The following TCF7L2 variants were observed in gnomAD, a reference collection of about 807,000 sequenced individuals.
The protein encoded by TCF7L2 is transcription factor 7-like 2.
A neutral mutation model predicts 77.9 loss-of-function variants in TCF7L2; 23 were observed. That is an observed-to-expected ratio of 0.30 (90% CI 0.21 to 0.42). The LOEUF (loss-of-function observed/expected upper bound fraction) is 0.42. Among genes scored for constraint, TCF7L2 ranks in the 10% least tolerant of loss-of-function variants. The pLI is 1.00. For missense variants in TCF7L2, 654 were observed against 793.1 expected (o/e 0.82, Z 2.11); for synonymous variants, 413 against 340.2 (o/e 1.21, Z -2.36).
chr10:113,007,290 TC>T (rs1229302765), intron 4 of TCF7L2, among the ~76,000 whole-genome samples: 2 of 152,196 alleles, frequency 1.3e-5, no homozygotes, highest in African/African-American at 4.8e-5. Context: ...CCCTGAGGCC[TC>T]CGTCACGGGC....
At chr10:113,050,689 A>G (rs1400844791) in intron 5 of TCF7L2, among the ~76,000 whole-genome samples, 1 of 152,148 alleles carries the variant, frequency 6.6e-6, no homozygotes, top group Non-Finnish European at 1.5e-5. Context: ...CTCATAAATG[A>G]AGGAATGTCT....
At chr10:112,965,625 G>GTA (rs1194593095) in intron 4 of TCF7L2, among the ~76,000 whole-genome samples, 102 of 93,762 alleles carry the variant, frequency 1.1e-3, no homozygotes, top group African/African-American at 3.4e-3. Flanking sequence ...CTGTGTGTGT[G>GTA]TATATGTGTG....
intron 4 of TCF7L2, among the ~76,000 whole-genome samples, chr10:113,023,013 AGGTCCAATTAGTGGAGT>A (rs1176221654): frequency 2.0e-5 from 3 of 152,228 alleles, no homozygotes; most frequent in Non-Finnish European, 4.4e-5. Context: ...TCAGAATAGT[AGGTCCAATTAGTGGAGT>A]GGGGGCTCAG....
chr10:113,038,222 C>G (rs1297474485), intron 4 of TCF7L2, among the ~76,000 whole-genome samples: 1 of 152,062 alleles, frequency 6.6e-6, no homozygotes, highest in African/African-American at 2.4e-5. Context: ...AATACCCTGT[C>G]GCAGATAGGA....
At position 113,166,987 on chromosome 10, in the gene TCF7L2, A is replaced by G. The variant is rs2074068377; in HGVS notation, c.*1015A>G. ...CACTGTCTGAGCAGCAGTGGGAACCATCTTCGTTTCCCCTTTGAACTCCCA... is the reference window on the plus strand; with the variant it reads ...CACTGTCTGAGCAGCAGTGGGAACCGTCTTCGTTTCCCCTTTGAACTCCCA... On this transcript the variant is annotated 3_prime_UTR_variant, in exon 14 of 14. Coordinates refer to ENST00000627217, the MANE Select transcript of TCF7L2 (RefSeq NM_001146274.2). 8.6e-6 allele frequency: 2 copies of G among 231,394 alleles called. No individual in the cohort carries two copies. Among genetic ancestry groups the G allele is most frequent in the Non-Finnish European group, 8.5e-6 (1 of 116,968 alleles). The allele number at this position is 231,394 out of a possible 1,614,324, so 14.3% of individuals were successfully genotyped here.
chr10:113,044,093 A>T (rs1021912530), intron 5 of TCF7L2, among the ~76,000 whole-genome samples: 1 of 152,128 alleles, frequency 6.6e-6, no homozygotes, highest in East Asian at 1.9e-4. Flanking sequence ...GATTTTTTGT[A>T]CTTCTTGGTC....
chr10:112,990,103 A>G (rs2042256815), intron 4 of TCF7L2, among the ~76,000 whole-genome samples: 1 of 152,036 alleles, frequency 6.6e-6, no homozygotes, highest in African/African-American at 2.4e-5. Flanking sequence ...ATATAAAGAC[A>G]ATTGCCTGCC....
At chr10:113,147,743 T>C (rs1362918758) in intron 8 of TCF7L2, among the ~76,000 whole-genome samples, 1 of 152,118 alleles carries the variant, frequency 6.6e-6, no homozygotes, top group Non-Finnish European at 1.5e-5. Context: ...TCATGTTTGT[T>C]TATTTGGTGC....
intron 5 of TCF7L2, among the ~76,000 whole-genome samples, chr10:113,113,598 T>A (rs115475307): frequency 2.1e-3 from 325 of 152,314 alleles, no homozygotes; most frequent in African/African-American, 7.3e-3. Flanking sequence ...TTTGTGACCC[T>A]TTGTCCTTGT....
At chr10:113,013,993 T>TG (rs1182415479) in intron 4 of TCF7L2, among the ~76,000 whole-genome samples, 1 of 152,180 alleles carries the variant, frequency 6.6e-6, no homozygotes, top group Non-Finnish European at 1.5e-5. Flanking sequence ...ATTTTTATGT[T>TG]GGGGGGTATT....
At chr10:113,139,915 C>T (rs1373794307) in intron 5 of TCF7L2, among the ~76,000 whole-genome samples, 1 of 151,986 alleles carries the variant, frequency 6.6e-6, no homozygotes, top group Non-Finnish European at 1.5e-5. Flanking sequence ...CTAGGACCTT[C>T]CTTCTTTTCT....
chr10:113,143,826 G>A, intron 6 of TCF7L2, 97 bp from the exon 7 acceptor site: 2 of 815,050 alleles, frequency 2.5e-6, no homozygotes, highest in South Asian at 1.8e-5. Context: ...TTCCAGAAGA[G>A]ATGCGTCTCT....
chr10:113,059,872 G>T (rs1285844517), intron 5 of TCF7L2, among the ~76,000 whole-genome samples: 1 of 152,160 alleles, frequency 6.6e-6, no homozygotes, highest in Non-Finnish European at 1.5e-5. Context: ...TTAATTATCT[G>T]CCATTCACTT....
At chr10:113,144,334 G>T (rs1190074400) in intron 7 of TCF7L2, among the ~76,000 whole-genome samples, 1 of 152,150 alleles carries the variant, frequency 6.6e-6, no homozygotes, top group Non-Finnish European at 1.5e-5. Flanking sequence ...TTTGGGAATT[G>T]CAGAAGACTA....
chr10:112,958,028 A>G (rs1279498820), intron 3 of TCF7L2, among the ~76,000 whole-genome samples: 1 of 152,180 alleles, frequency 6.6e-6, no homozygotes, highest in Non-Finnish European at 1.5e-5. Context: ...AATCAATGGC[A>G]TGCAGAAACT....
chr10:112,950,264 C>T lies in TCF7L2; in HGVS notation c.-493C>T. ...CTCGCCCTGTCAATAATCTCCGCTC[C>T]CAGACTACTCCGTTCCTCCGGATTT... is the stretch of plus-strand genomic sequence containing the variant. On this transcript the variant is annotated 5_prime_UTR_variant, in exon 1 of 14. Coordinates refer to ENST00000627217, the MANE Select transcript of TCF7L2 (RefSeq NM_001146274.2). The T allele has an allele frequency of 4.7e-6, 1 of 213,902 alleles. No individual in the cohort carries two copies. The highest frequency in any genetic ancestry group is 5.8e-5 in the Admixed American group (1 of 17,224). The allele number at this position is 213,902 out of a possible 1,614,324, so 13.3% of individuals were successfully genotyped here. A position where few individuals can be genotyped will look rare whatever the true frequency, so the allele number is the denominator to read the frequency against.
rs2059968842 is a variant in TCF7L2, at chr10:113,087,661, C to CCTCTGGTG, written c.552+47539_552+47546dup. Among the ~76,000 whole-genome samples, 4 of 149,046 alleles carry CCTCTGGTG rather than the reference C, an allele frequency of 2.7e-5. No homozygotes were observed. In the South Asian group the frequency reaches 8.5e-4, roughly 32 times the overall value. On this transcript the variant is annotated intron_variant, in intron 5 of 13. Transcript: ENST00000627217. The stretch of plus-strand genomic sequence containing the variant: ...TCCAGGGGTGGAGAACGGAGTACTT[C>CCTCTGGTG]CTCTGGTGCTCGGCTTCCCTTCCTG...
At chr10:112,997,157 C>G (rs1007427435) in intron 4 of TCF7L2, among the ~76,000 whole-genome samples, 6 of 152,200 alleles carry the variant, frequency 3.9e-5, no homozygotes, top group African/African-American at 1.4e-4. Context: ...TTGACTCAGC[C>G]TTGGGTATTA....
intron 4 of TCF7L2, among the ~76,000 whole-genome samples, chr10:112,974,678 C>T (rs1399386347): frequency 1.3e-5 from 2 of 152,170 alleles, no homozygotes; most frequent in African/African-American, 4.8e-5. Context: ...CTCCTGACCT[C>T]ATGATCCACC....
Sources: allele counts gnomAD v4.1 joint callset (sites outside exome capture counted in the v4.1 genomes callset), GRCh38; gene constraint gnomAD v4.1.1; transcripts MANE v1.5; gene names NCBI Gene and HGNC (gene_info 2026-07-23, HGNC 2026-07-21).